SPAG17: variants seen among roughly 807,000 people sequenced by gnomAD.
SPAG17 encodes the protein sperm-associated antigen 17.
In SPAG17, 169 loss-of-function variants were observed where a neutral mutation model predicts 273.6. The ratio of observed to expected loss-of-function variants is 0.62; its 90% CI spans 0.55 to 0.70. SPAG17 has a LOEUF of 0.70. Ranked by LOEUF, SPAG17 falls within the 30% of genes least tolerant of loss-of-function variation. The pLI, the probability that SPAG17 is intolerant of heterozygous loss-of-function variation, is 0.00. For synonymous variants in SPAG17, 825 were observed against 873.2 expected (o/e 0.94, Z 0.97); for missense variants, 2,557 against 2,627.8 (o/e 0.97, Z 0.59).
chr1:118,090,199 C>T (rs933280161), intron 10 of SPAG17, among the ~76,000 whole-genome samples: 16 of 152,256 alleles, frequency 1.1e-4, no homozygotes, highest in Non-Finnish European at 1.8e-4. Flanking sequence ...CAGTGCCTGG[C>T]GCCTGTAAGT....
intron 42 of SPAG17, among the ~76,000 whole-genome samples, chr1:117,983,606 C>G (rs949058512): frequency 1.8e-4 from 28 of 152,146 alleles, no homozygotes; most frequent in Non-Finnish European, 4.4e-5. Context: ...CTCCTAAATG[C>G]ATTTAGGCCA....
At chr1:117,957,257 A>C (rs557249077) in intron 48 of SPAG17, 3 of 1,539,524 alleles carry the variant, frequency 1.9e-6, no homozygotes, top group Non-Finnish European at 2.6e-6. Context: ...GTAGTACCTT[A>C]ACTGAAGCTG....
chr1:118,174,930 A>C (rs1660614926), intron 1 of SPAG17, among the ~76,000 whole-genome samples: 1 of 152,192 alleles, frequency 6.6e-6, no homozygotes, highest in African/African-American at 2.4e-5. Flanking sequence ...CTGCTACCTT[A>C]AGCCACTCTA....
At chr1:117,965,884 C>T (rs1440815413) in intron 47 of SPAG17, 1 of 152,214 alleles carries the variant, frequency 6.6e-6, no homozygotes, top group Non-Finnish European at 1.5e-5. Flanking sequence ...GCAAGTTGAA[C>T]TCCCTGCCAA....
At chr1:117,954,481 C>T in intron 48 of SPAG17, 6 of 1,229,766 alleles carry the variant, frequency 4.9e-6, no homozygotes, top group South Asian at 1.4e-5. Flanking sequence ...CTCTTTTTTC[C>T]CTTTTCAAAA....
intron 27 of SPAG17, among the ~76,000 whole-genome samples, chr1:118,023,767 C>T (rs1343415939): frequency 4.6e-5 from 7 of 152,062 alleles, no homozygotes; most frequent in African/African-American, 1.7e-4. Context: ...TTCCATTCTT[C>T]ACCTTTCTCC....
At chr1:118,145,326 A>G (rs555755320) in intron 3 of SPAG17, among the ~76,000 whole-genome samples, 1 of 152,364 alleles carries the variant, frequency 6.6e-6, no homozygotes, top group South Asian at 2.1e-4. Context: ...AAAGAGTGGC[A>G]AAATAGATTA....
chr1:118,082,600 A>T (rs1467102402), intron 13 of SPAG17, among the ~76,000 whole-genome samples: 1 of 152,224 alleles, frequency 6.6e-6, no homozygotes, highest in African/African-American at 2.4e-5. Context: ...CACAATGGTG[A>T]ACAAAATAGT....
rs557071833 is a variant in SPAG17 at position 118,042,768 on chromosome 1, T to A, written c.2815-726A>T. 3.3e-5 allele frequency among the ~76,000 whole-genome samples: 5 copies of A among 152,292 alleles called. No individual in the cohort carries two copies. In the East Asian group the frequency reaches 9.6e-4, roughly 29 times the overall value. On this transcript the variant is annotated intron_variant, in intron 20 of 48. Transcript: ENST00000336338. Reference sequence around the variant, plus strand: ...AGCATACCCCAAGTAACCAATGGAATCCTCTAGTGGGTACTTAAATTCTCA... The same window carrying A: ...AGCATACCCCAAGTAACCAATGGAAACCTCTAGTGGGTACTTAAATTCTCA...
rs767736345 is a variant in SPAG17, at chr1:117,987,819, T to A, written c.5669+15A>T. 2 of 1,613,740 alleles carry A rather than the reference T, an allele frequency of 1.2e-6. No homozygotes were observed. Among genetic ancestry groups the A allele is most frequent in the Admixed American group, 3.3e-5 (2 of 59,972 alleles). On this transcript the variant is annotated intron_variant, in intron 40 of 48. Transcript: ENST00000336338. The stretch of plus-strand genomic sequence containing the variant: ...GCCCTTTCAGGTCCTTATGTGCGTT[T>A]TGGGGTATAATTACCTCGTTTTGTC...
intron 38 of SPAG17, 112 bp from the exon 39 acceptor site, chr1:117,988,316 A>C: frequency 1.5e-6 from 1 of 680,044 alleles, no homozygotes; most frequent in Non-Finnish European, 2.3e-6. Flanking sequence ...TAGTTAATCT[A>C]TCAAGTGTTT....
chr1:118,081,749 T>C (rs1305982048), intron 13 of SPAG17, 107 bp from the exon 14 acceptor site: 3 of 887,764 alleles, frequency 3.4e-6, no homozygotes. Context: ...GACAAGAGAG[T>C]CACGCCACAA....
rs1298102084 is a variant in SPAG17 at position 118,025,344 on chromosome 1, T to C, written c.3803A>G (p.His1268Arg). Residue 1268 changes from histidine (H) to arginine (R), a missense_variant, in exon 27 of 49, where the codon CAC (histidine) becomes CGC (arginine). Transcript: ENST00000336338. ...CATCACCGTTTTATAGAACTCATAG[T>C]GCTTCACCCTCTGGGGGTAGCTCTG... ...VRQSYPQRVK[H>R]YEFYKTVMPP... is the part of the protein sequence containing the mutation. 1.2e-6 allele frequency: 2 copies of C among 1,613,350 alleles called. No individual in the cohort carries two copies. Among genetic ancestry groups the C allele is most frequent in the Admixed American group, 1.7e-5 (1 of 59,882 alleles).
chr1:117,996,629 G>A lies in SPAG17; in HGVS notation c.4891C>T (p.His1631Tyr), dbSNP rs150351466. 482 of 1,611,680 alleles carry A rather than the reference G, an allele frequency of 3.0e-4. No individual in the cohort carries two copies. The highest frequency in any genetic ancestry group is 3.4e-4 in the Non-Finnish European group (396 of 1,179,160). The change falls in exon 33 of 49, where the codon CAT (histidine) becomes TAT (tyrosine). Residue 1631 changes from histidine to tyrosine, a missense_variant. Coordinates refer to ENST00000336338, the MANE Select transcript of SPAG17 (RefSeq NM_206996.4). ...ACATGTTCACCATAGATTTGCTGAT[G>A]ATTCTTTTCAAGGTGCATAGAGGAC... ...SLSSMHLEKN[H>Y]QQIYGEHVPR... is the part of the protein sequence containing the mutation.
At chr1:118,150,153 G>GT (rs1405900131) in intron 3 of SPAG17, among the ~76,000 whole-genome samples, 6 of 152,128 alleles carry the variant, frequency 3.9e-5, no homozygotes, top group East Asian at 1.9e-4. Flanking sequence ...TTTTTACATT[G>GT]TTTTTTTCGA....
intron 1 of SPAG17, among the ~76,000 whole-genome samples, chr1:118,183,487 A>C (rs908038261): frequency 2.0e-5 from 3 of 152,202 alleles, no homozygotes; most frequent in Non-Finnish European, 2.9e-5. Context: ...GAAAATGTGT[A>C]TTCCAACAAA....
intron 3 of SPAG17, among the ~76,000 whole-genome samples, chr1:118,140,078 C>A (rs547837665): frequency 6.6e-6 from 1 of 152,070 alleles, no homozygotes; most frequent in African/African-American, 2.4e-5. Context: ...CGCATGGAGT[C>A]GCACCAGGAA....
At chr1:118,128,844 T>A (rs1657890741) in intron 3 of SPAG17, among the ~76,000 whole-genome samples, 1 of 152,214 alleles carries the variant, frequency 6.6e-6, no homozygotes, top group South Asian at 2.1e-4. Context: ...CATTGCCCTC[T>A]CTCTCATTCA....
At chr1:117,995,455 T>C (rs2802663) in intron 34 of SPAG17, among the ~76,000 whole-genome samples, 88,391 of 151,792 alleles carry the variant, frequency 0.58, 26,663 homozygotes, top group African/African-American at 0.75. Context: ...CAAATAGAGG[T>C]TAGTTAAATG....
Sources: gnomAD v4.1 joint callset for allele counts (sites outside exome capture counted in the v4.1 genomes callset) on GRCh38, gnomAD v4.1.1 for gene constraint, MANE v1.5 for transcripts, NCBI Gene and HGNC (gene_info 2026-07-23, HGNC 2026-07-21) for gene names.